The following TAFA5 variants were observed in gnomAD, a reference collection of about 807,000 sequenced individuals.
The protein encoded by TAFA5 is chemokine-like protein TAFA-5.
Under a neutral mutation model 15.3 loss-of-function variants are expected in TAFA5, and 6 were observed. The observed-to-expected ratio is 0.39, with a 90% CI of 0.21 to 0.77. TAFA5 has a LOEUF of 0.77. TAFA5 is among the 30% of genes least tolerant of loss of function. TAFA5 has a pLI of 0.41. For synonymous variants in TAFA5, 103 were observed against 80.7 expected, an observed-to-expected ratio of 1.28 and a Z score of -1.48; for missense variants, 161 against 193.1, an observed-to-expected ratio of 0.83 and a Z score of 0.98.
At chr22:48,673,199 A>AC (rs1927857091) in intron 2 of TAFA5, among the ~76,000 whole-genome samples, 1 of 152,128 alleles carries the variant, frequency 6.6e-6, no homozygotes, top group African/African-American at 2.4e-5. Flanking sequence ...CCCACTTTGA[A>AC]CTTTGGGGGA....
chr22:48,509,235 C>G (rs1462165209), intron 1 of TAFA5, among the ~76,000 whole-genome samples: 1 of 152,178 alleles, frequency 6.6e-6, no homozygotes, highest in Non-Finnish European at 1.5e-5. Flanking sequence ...GCTGATTCTG[C>G]GTCGTGGCTC....
At chr22:48,623,376 C>T (rs980841150) in intron 1 of TAFA5, among the ~76,000 whole-genome samples, 2 of 146,076 alleles carry the variant, frequency 1.4e-5, no homozygotes, top group South Asian at 2.2e-4. Flanking sequence ...TGGCCCTGCG[C>T]GGTGACCTGT....
intron 2 of TAFA5, among the ~76,000 whole-genome samples, chr22:48,694,557 G>GCC (rs1275185350): frequency 2.0e-5 from 3 of 151,842 alleles, no homozygotes; most frequent in Non-Finnish European, 4.4e-5. Flanking sequence ...AGCCCAGGAA[G>GCC]CCCGGCTGTG....
rs1464640645 is a variant in TAFA5 at position 48,489,598 on chromosome 22, G to T, written c.6G>T (p.Ala2=). ...GCGCGGGCGCCGCGGCTTCAATGGC[G>T]CCATCGCCCAGGACCGGCAGCCGGC... M[A]PSPRTGSRQD... is the part of the protein sequence containing the mutation. The change falls in exon 1 of 4, where the codon GCG becomes GCT. Residue 2 remains alanine (A), a synonymous_variant. Transcript: ENST00000402357. This position sits in a 1 kb window ranked among gnomAD's most constrained non-coding sequence, Gnocchi z 5.5. The T allele has an allele frequency of 2.7e-6, 4 of 1,471,246 alleles. No homozygotes were observed. Among genetic ancestry groups the T allele is most frequent in the Non-Finnish European group, 2.7e-6 (3 of 1,105,066 alleles). The allele number at this position is 1,471,246 out of a possible 1,614,324, so 91.1% of individuals were successfully genotyped here.
chr22:48,646,701 G>T lies in TAFA5; in HGVS notation c.217G>T (p.Gly73Trp). 6.2e-7 allele frequency: 1 copy of T among 1,606,222 alleles called. No homozygotes were observed. The highest frequency in any genetic ancestry group is 8.5e-7 in the Non-Finnish European group (1 of 1,178,330). The change falls in exon 2 of 4, where the codon GGG becomes TGG. Residue 73 changes from glycine to tryptophan, a missense_variant. Gly to Trp is a radical substitution (Grantham distance 184). Transcript: ENST00000402357. ...GACCGCCCGCTGTGCGTGTAGAAAG[G>T]GGCAGATCGCCGGCACCACGAGAGC... ...RQTARCACRKGQIAGTTRARP... is the reference protein window; with the variant it reads ...RQTARCACRKWQIAGTTRARP...
At chr22:48,713,113 G>C (rs752199702) in intron 3 of TAFA5, among the ~76,000 whole-genome samples, 1 of 152,318 alleles carries the variant, frequency 6.6e-6, no homozygotes, top group Non-Finnish European at 1.5e-5. Flanking sequence ...TTGCACATTC[G>C]CTATTGAGTA....
rs1343542648 is a variant in TAFA5 at position 48,742,278 on chromosome 22, C to A, written c.391-7561C>A. On this transcript the variant is annotated intron_variant, in intron 3 of 3. Coordinates refer to ENST00000402357, the MANE Select transcript of TAFA5 (RefSeq NM_001082967.3). This position sits in a 1 kb window ranked among gnomAD's most constrained non-coding sequence, Gnocchi z 6.2. ...CTTCACCAGGCACAGGTGCACGGGG[C>A]CCCTGCCAGGTTCGGGAAAAGAACT... Among the ~76,000 whole-genome samples the A allele has an allele frequency of 1.3e-5, 2 of 152,164 alleles. No individual in the cohort carries two copies. Among genetic ancestry groups the A allele is most frequent in the African/African-American group, 4.8e-5 (2 of 41,440 alleles).
At chr22:48,634,051 C>G (rs1480356461) in intron 1 of TAFA5, among the ~76,000 whole-genome samples, 1 of 152,210 alleles carries the variant, frequency 6.6e-6, no homozygotes, top group African/African-American at 2.4e-5. Flanking sequence ...GCCCGGTGCA[C>G]AGACTCAGCA....
chr22:48,662,010 A>G (rs1927459763), intron 2 of TAFA5, among the ~76,000 whole-genome samples: 1 of 136,330 alleles, frequency 7.3e-6, no homozygotes, highest in Non-Finnish European at 1.6e-5. Flanking sequence ...TGGGGTGCCT[A>G]CTTTGGGGAG....
intron 3 of TAFA5, among the ~76,000 whole-genome samples, chr22:48,730,424 G>A (rs1400012974): frequency 6.6e-6 from 1 of 152,020 alleles, no homozygotes; most frequent in African/African-American, 2.4e-5. Flanking sequence ...CATGCAGTGC[G>A]GTGGAGCCAA....
At chr22:48,613,788 C>T (rs1041608360) in intron 1 of TAFA5, among the ~76,000 whole-genome samples, 1 of 152,204 alleles carries the variant, frequency 6.6e-6, no homozygotes, top group East Asian at 1.9e-4. Context: ...TCCGGCCCTT[C>T]GTGACTCTGT....
At chr22:48,698,189 T>G (rs564009529) in intron 2 of TAFA5, among the ~76,000 whole-genome samples, 1 of 151,650 alleles carries the variant, frequency 6.6e-6, no homozygotes, top group African/African-American at 2.4e-5. Context: ...GTGGTGATGA[T>G]GATGGTGACA....
intron 1 of TAFA5, among the ~76,000 whole-genome samples, chr22:48,563,989 A>G (rs898117060): frequency 2.0e-5 from 3 of 152,206 alleles, no homozygotes; most frequent in Non-Finnish European, 4.4e-5. Flanking sequence ...CAAAGAGTGC[A>G]TTGTACAGCC....
chr22:48,554,931 C>T (rs530675948), intron 1 of TAFA5, among the ~76,000 whole-genome samples: 22 of 152,354 alleles, frequency 1.4e-4, no homozygotes, highest in African/African-American at 4.8e-4. Flanking sequence ...CTACGAGCCT[C>T]TTCAAGCTGT....
chr22:48,518,513 TC>T (rs1921493726), intron 1 of TAFA5, among the ~76,000 whole-genome samples: 1 of 152,182 alleles, frequency 6.6e-6, no homozygotes, highest in Non-Finnish European at 1.5e-5. Flanking sequence ...AAACGAGGGC[TC>T]TTGTCTCTTT....
intron 1 of TAFA5, chr22:48,544,698 C>G: frequency 2.1e-6 from 1 of 471,338 alleles, no homozygotes. Context: ...CCCTGCGTGC[C>G]CGCAGATGAG....
chr22:48,495,843 C>T (rs1045511504), intron 1 of TAFA5, among the ~76,000 whole-genome samples: 2 of 152,214 alleles, frequency 1.3e-5, no homozygotes, highest in Non-Finnish European at 2.9e-5. Context: ...ACACTCAGGG[C>T]GCCCAAAGCT....
intron 1 of TAFA5, among the ~76,000 whole-genome samples, chr22:48,500,175 C>T (rs1015828470): frequency 7.2e-5 from 11 of 152,002 alleles, no homozygotes; most frequent in African/African-American, 1.7e-4. Flanking sequence ...ACGGAGGTGA[C>T]GCGGCAGGGT....
At chr22:48,707,886 G>C (rs909644807) in intron 3 of TAFA5, 42 bp downstream of exon 3, 2 of 1,596,994 alleles carry the variant, frequency 1.3e-6, no homozygotes, top group Admixed American at 3.4e-5. Context: ...CTGGGGAGGG[G>C]GTATGTGTGT....
Sources: gnomAD v4.1 joint callset for allele counts (sites outside exome capture counted in the v4.1 genomes callset) on GRCh38, gnomAD v4.1.1 for gene constraint, Gnocchi (gnomAD v3.1) non-coding constraint, MANE v1.5 for transcripts, NCBI Gene and HGNC (gene_info 2026-07-23, HGNC 2026-07-21) for gene names.